Variants in ANKS3 observed in about 807,000 individuals in gnomAD.
The protein encoded by ANKS3 is ankyrin repeat and SAM domain-containing protein 3.
ANKS3 carries 62 observed loss-of-function variants against 80.7 expected under a neutral mutation model. The ratio of observed to expected loss-of-function variants is 0.77; its 90% CI spans 0.63 to 0.95. The LOEUF (loss-of-function observed/expected upper bound fraction) is 0.95. Among genes scored for constraint, ANKS3 ranks in the 40% least tolerant of loss-of-function variants. The pLI, the probability that ANKS3 is intolerant of heterozygous loss-of-function variation, is 0.00. For synonymous variants in ANKS3, 489 were observed against 355.3 expected (o/e 1.38, Z -4.23); for missense variants, 1,150 against 883.6 (o/e 1.30, Z -3.82).
At chr16:4,708,464 C>T (rs1684584) in intron 7 of ANKS3, among the ~76,000 whole-genome samples, 2 of 151,766 alleles carry the variant, frequency 1.3e-5, no homozygotes, top group African/African-American at 4.8e-5. Context: ...AACAAAAGGG[C>T]AACAATGAAA....
intron 4 of ANKS3, 92 bp from the exon 5 acceptor site, chr16:4,726,872 G>A (rs1355688287): frequency 6.3e-7 from 1 of 1,598,108 alleles, no homozygotes; most frequent in African/African-American, 1.3e-5. Context: ...AATCAGAAGT[G>A]ATTACACGAG....
rs181535369 is a variant in ANKS3, at chr16:4,699,081, A to T, written c.1380T>A (p.Thr460=). ...TGCCAATTTCCTTCAGGTCGCTCTCAGTGAGGGTCAGAAAGATGCGGAGGT... is the reference window on the plus strand; with the variant it reads ...TGCCAATTTCCTTCAGGTCGCTCTCTGTGAGGGTCAGAAAGATGCGGAGGT... ...DVDLRIFLTL[T]ESDLKEIGIT... The change falls in exon 12 of 18, where the codon ACT becomes ACA. Residue 460 remains threonine, a synonymous_variant. Coordinates refer to ENST00000304283, the MANE Select transcript of ANKS3 (RefSeq NM_133450.4). 1.2e-6 allele frequency: 2 copies of T among 1,614,144 alleles called. No individual in the cohort carries two copies. The highest frequency in any genetic ancestry group is 2.7e-5 in the African/African-American group (2 of 75,064).
intron 7 of ANKS3, among the ~76,000 whole-genome samples, chr16:4,710,550 A>C (rs954648436): frequency 2.6e-5 from 4 of 152,094 alleles, no homozygotes; most frequent in Non-Finnish European, 1.5e-5. Context: ...CTCTACAAAA[A>C]ATACAAACGT....
At chr16:4,718,904 A>C (rs1224551350) in intron 6 of ANKS3, among the ~76,000 whole-genome samples, 1 of 152,236 alleles carries the variant, frequency 6.6e-6, no homozygotes, top group Non-Finnish European at 1.5e-5. Context: ...ACTCTCAGGA[A>C]ATACATATTT....
chr16:4,714,943 G>A (rs1201745452), intron 6 of ANKS3, among the ~76,000 whole-genome samples: 2 of 120,102 alleles, frequency 1.7e-5, no homozygotes, highest in African/African-American at 3.2e-5. Context: ...AGTGAGCTGA[G>A]ATCATGCCAC....
At position 4,727,137 on chromosome 16, in the gene ANKS3, T is replaced by TA. The variant is rs1260620086; in HGVS notation, c.210_211insT (p.Thr71TyrfsTer20). ...ATGTAGGAGGCATACATCAGCGGGG[T>TA]CCAGCCACCACCATTCTTCTTATTC... On this transcript the variant is annotated frameshift_variant, in exon 4 of 18. Transcript: ENST00000304283. LOFTEE classifies it high-confidence loss of function. 2 of 1,614,060 alleles carry TA rather than the reference T, an allele frequency of 1.2e-6. No homozygotes were observed.
At position 4,701,561 on chromosome 16, in the gene ANKS3, G is replaced by C; in HGVS notation, c.1010-18C>G. ...ATGTTCCTCTGAGGGCGGGAAGACA[G>C]GGCGTCCGCCTGCAGCCCTCACCGA... On this transcript the variant is annotated intron_variant, in intron 9 of 17. Coordinates refer to ENST00000304283, the MANE Select transcript of ANKS3 (RefSeq NM_133450.4). The C allele has an allele frequency of 6.3e-7, 1 of 1,598,048 alleles. No individual in the cohort carries two copies. The highest frequency in any genetic ancestry group is 1.1e-5 in the South Asian group (1 of 89,990).
chr16:4,732,698 A>AAC (rs2081704549), intron 1 of ANKS3, among the ~76,000 whole-genome samples: 1 of 151,616 alleles, frequency 6.6e-6, no homozygotes, highest in Non-Finnish European at 1.5e-5. Flanking sequence ...AACAAAAAAA[A>AAC]AACACTAAAG....
intron 8 of ANKS3, among the ~76,000 whole-genome samples, chr16:4,703,916 AGATT>A (rs2080051552): frequency 6.6e-6 from 1 of 152,250 alleles, no homozygotes; most frequent in African/African-American, 2.4e-5. Context: ...ACAGCTATAT[AGATT>A]AATTACCAAC....
intron 3 of ANKS3, chr16:4,729,317 C>T (rs1047055842): frequency 2.0e-5 from 3 of 152,194 alleles, no homozygotes; most frequent in African/African-American, 4.8e-5. Context: ...TCACAGGGAT[C>T]GAATGAACCC....
chr16:4,698,403 C>G, intron 14 of ANKS3, 24 bp downstream of exon 14: 2 of 1,478,786 alleles, frequency 1.4e-6, no homozygotes, highest in Non-Finnish European at 1.8e-6. Flanking sequence ...GAGACCCAGC[C>G]CAGGGCAGCT....
intron 7 of ANKS3, among the ~76,000 whole-genome samples, chr16:4,712,098 C>CG (rs1567366849): frequency 6.6e-6 from 1 of 152,172 alleles, no homozygotes; most frequent in African/African-American, 2.4e-5. Flanking sequence ...ACGCCGGGAG[C>CG]GGTGGCTCAC....
At chr16:4,715,990 C>T (rs980457570) in intron 6 of ANKS3, among the ~76,000 whole-genome samples, 11 of 152,038 alleles carry the variant, frequency 7.2e-5, no homozygotes, top group African/African-American at 2.7e-4. Context: ...AAACAGAGCG[C>T]CTCCCGCCCA....
rs1182644676 is a variant in ANKS3 at position 4,734,158 on chromosome 16, G to C, written c.-291C>G. ...GGCCGGGCCGCCGCGGAACCCACCT[G>C]TGCTGGGCCTCAGGCCTTGCGCCGC... On this transcript the variant is annotated 5_prime_UTR_variant, in exon 1 of 18. Coordinates refer to ENST00000304283, the MANE Select transcript of ANKS3 (RefSeq NM_133450.4). 4.6e-6 allele frequency: 2 copies of C among 430,574 alleles called. No homozygotes were observed. Among genetic ancestry groups the C allele is most frequent in the Non-Finnish European group, 6.2e-6 (2 of 322,690 alleles). 26.7% of individuals were successfully genotyped at this position (430,574 alleles called of 1,614,324 possible). A position where few individuals can be genotyped will look rare whatever the true frequency, so the allele number is the denominator to read the frequency against.
intron 6 of ANKS3, among the ~76,000 whole-genome samples, chr16:4,719,029 T>C (rs139358695): frequency 1.3e-5 from 2 of 152,126 alleles, no homozygotes; most frequent in Non-Finnish European, 2.9e-5. Context: ...ATTTGGGGAA[T>C]GTGGTAAAGG....
intron 7 of ANKS3, among the ~76,000 whole-genome samples, chr16:4,705,722 A>G (rs570297594): frequency 6.6e-6 from 1 of 152,056 alleles, no homozygotes; most frequent in East Asian, 1.9e-4. Flanking sequence ...GGCCTCCCAA[A>G]GTGCTGGGAT....
chr16:4,726,939 G>A (rs2081384799), intron 4 of ANKS3, 40 bp downstream of exon 4: 6 of 1,612,214 alleles, frequency 3.7e-6, no homozygotes, highest in Non-Finnish European at 5.1e-6. Context: ...TGGCCACGGA[G>A]CCCCTCAGGT....
At chr16:4,710,839 G>A (rs941496892) in intron 7 of ANKS3, among the ~76,000 whole-genome samples, 6 of 151,984 alleles carry the variant, frequency 3.9e-5, no homozygotes, top group East Asian at 1.9e-4. Flanking sequence ...TCGCTCTGTC[G>A]CCAAGCTGGA....
intron 16 of ANKS3, 41 bp from the exon 17 acceptor site, chr16:4,697,145 G>C: frequency 6.2e-7 from 1 of 1,602,078 alleles, no homozygotes; most frequent in Non-Finnish European, 8.5e-7. Flanking sequence ...GCCAGGCTCA[G>C]GAGGGCTGGG....
Sources: allele counts gnomAD v4.1 joint callset (sites outside exome capture counted in the v4.1 genomes callset), GRCh38; gene constraint gnomAD v4.1.1; transcripts MANE v1.5; gene names NCBI Gene and HGNC (gene_info 2026-07-23, HGNC 2026-07-21).